Variants in DLG2 observed in about 807,000 individuals in gnomAD.
DLG2 encodes the protein disks large homolog 2.
Under a neutral mutation model 132.5 loss-of-function variants are expected in DLG2, and 45 were observed. That is an observed-to-expected ratio of 0.34 (90% CI 0.27 to 0.44). DLG2 has a LOEUF of 0.44. DLG2 is among the 20% of genes least tolerant of loss of function. The pLI, the probability that DLG2 is intolerant of heterozygous loss-of-function variation, is 1.00. For missense variants in DLG2, 1,045 were observed against 1,196.9 expected (o/e 0.87, Z 1.87); for synonymous variants, 424 against 419.6 (o/e 1.01, Z -0.13).
At position 83,930,336 on chromosome 11, in the gene DLG2, C is replaced by T. The variant is rs1216081408; in HGVS notation, c.1488G>A (p.Glu496=). 2 of 1,613,694 alleles carry T rather than the reference C, an allele frequency of 1.2e-6. No individual in the cohort carries two copies. Among genetic ancestry groups the T allele is most frequent in the East Asian group, 2.2e-5 (1 of 44,880 alleles). The part of the protein sequence containing the change: ...HYHLGLLPDS[E]MTSHSQHSTA... ...GGAAGCGCATGCAGTACCTGGTCAT[C>T]TCAGAGTCAGGTAGCAGGCCTAGGT... Residue 496 remains glutamate, a synonymous_variant, in exon 15 of 28, where the codon GAG becomes GAA. Transcript: ENST00000376104.
chr11:83,499,814 C>A (rs1565491042), intron 21 of DLG2, among the ~76,000 whole-genome samples: 2 of 114,162 alleles, frequency 1.8e-5, no homozygotes, highest in African/African-American at 3.1e-5. Flanking sequence ...ATATATATTT[C>A]CTCTAATAGG....
intron 6 of DLG2, among the ~76,000 whole-genome samples, chr11:84,542,870 A>G (rs2099379843): frequency 1.3e-5 from 2 of 152,168 alleles, no homozygotes; most frequent in South Asian, 4.1e-4. Flanking sequence ...CCACCTTCTT[A>G]TTTTGAGAAC....
chr11:84,870,838 C>A (rs1230879870), intron 6 of DLG2, among the ~76,000 whole-genome samples: 1 of 152,148 alleles, frequency 6.6e-6, no homozygotes, highest in African/African-American at 2.4e-5. Context: ...ATGCCCATGA[C>A]AGAAGAGATT....
intron 8 of DLG2, among the ~76,000 whole-genome samples, chr11:84,234,298 G>C (rs1239195457): frequency 6.6e-6 from 1 of 152,106 alleles, no homozygotes; most frequent in East Asian, 1.9e-4. Context: ...CCACTCTAAA[G>C]CTTTTTAATA....
At position 84,910,455 on chromosome 11, in the gene DLG2, CAAATT is replaced by C. The variant is rs1450446330; in HGVS notation, c.357+201201_357+201205del. Reference sequence around the variant, plus strand: ...CAGAATGATTTTTTTTACTTCAAATCAAATTAACTTTAATAAATAAAAATTTAATA... The same window carrying C: ...CAGAATGATTTTTTTTACTTCAAATCAACTTTAATAAATAAAAATTTAATA... On this transcript the variant is annotated intron_variant, in intron 6 of 27. Coordinates refer to ENST00000376104, the MANE Select transcript of DLG2 (RefSeq NM_001142699.3). Among the ~76,000 whole-genome samples, 4 of 152,026 alleles carry C rather than the reference CAAATT, an allele frequency of 2.6e-5. No individual in the cohort carries two copies. In the South Asian group the frequency reaches 8.3e-4, roughly 31 times the overall value.
At chr11:84,810,566 AG>A (rs2076446237) in intron 6 of DLG2, among the ~76,000 whole-genome samples, 1 of 152,180 alleles carries the variant, frequency 6.6e-6, no homozygotes, top group Non-Finnish European at 1.5e-5. Flanking sequence ...TCTTGAAAAC[AG>A]TGTGGAGGTT....
intron 6 of DLG2, among the ~76,000 whole-genome samples, chr11:84,804,612 C>A (rs188242717): frequency 3.7e-4 from 56 of 152,172 alleles, no homozygotes; most frequent in Admixed American, 3.7e-3. Flanking sequence ...TGAACAAGCC[C>A]AAAACTCAGA....
intron 18 of DLG2, among the ~76,000 whole-genome samples, chr11:83,650,782 C>G (rs1050640408): frequency 1.5e-4 from 23 of 152,200 alleles, no homozygotes; most frequent in African/African-American, 5.3e-4. Context: ...ATTTCTTTGC[C>G]TCAGATATCA....
intron 3 of DLG2, among the ~76,000 whole-genome samples, chr11:85,325,418 G>C (rs2152832937): frequency 1.4e-5 from 2 of 146,278 alleles, no homozygotes; most frequent in East Asian, 4.3e-4. Flanking sequence ...CACACAGCTG[G>C]AGATCTGAGA....
chr11:83,718,532 GAAAA>G lies in DLG2; in HGVS notation c.1825+68154_1825+68157del, dbSNP rs57237354. 1.7e-4 allele frequency among the ~76,000 whole-genome samples: 18 copies of G among 106,302 alleles called. No individual in the cohort carries two copies. The East Asian group carries it at 3.2e-3, about 19-fold the overall frequency. The allele number at this position is 106,302 out of a possible 152,430, so 69.7% of individuals were successfully genotyped here. A position where few individuals can be genotyped will look rare whatever the true frequency, so the allele number is the denominator to read the frequency against. ...AGAGTGAAACTCCATCTCAAAAAAA[GAAAA>G]AAAAAAAAAAAAAAAGAAAGAAAAA... On this transcript the variant is annotated intron_variant, in intron 18 of 27. Transcript: ENST00000376104.
In DLG2 at chr11:85,483,271, C is replaced by T. The variant is rs562050505; in HGVS notation, c.40+115386G>A. ...ATAAGGCTAGCAACAAATTTCTCAGCAGGGACGTTACAGGCCAAGAGAGAG... is the reference window on the plus strand; with the variant it reads ...ATAAGGCTAGCAACAAATTTCTCAGTAGGGACGTTACAGGCCAAGAGAGAG... On this transcript the variant is annotated intron_variant, in intron 3 of 27. Transcript: ENST00000376104. Among the ~76,000 whole-genome samples, 3 of 152,276 alleles carry T rather than the reference C, an allele frequency of 2.0e-5. No homozygotes were observed. In the South Asian group the frequency reaches 6.2e-4, roughly 32 times the overall value.
At chr11:85,377,017 G>GTAT (rs1199267485) in intron 3 of DLG2, among the ~76,000 whole-genome samples, 1 of 152,024 alleles carries the variant, frequency 6.6e-6, no homozygotes, top group South Asian at 2.1e-4. Flanking sequence ...CATGAAATAG[G>GTAT]TATTATTATT....
At chr11:84,703,690 A>G (rs1356109044) in intron 6 of DLG2, among the ~76,000 whole-genome samples, 1 of 151,182 alleles carries the variant, frequency 6.6e-6, no homozygotes, top group Non-Finnish European at 1.5e-5. Flanking sequence ...ATAACAATGA[A>G]CATAAGCAAA....
chr11:84,978,322 T>C (rs1355474052), intron 6 of DLG2, among the ~76,000 whole-genome samples: 5 of 152,164 alleles, frequency 3.3e-5, no homozygotes, highest in Non-Finnish European at 5.9e-5. Flanking sequence ...AAAGTTCATA[T>C]GGAACCAAAA....
chr11:84,961,135 G>C (rs4121472), intron 6 of DLG2, among the ~76,000 whole-genome samples: 62,917 of 149,710 alleles, frequency 0.42, 14,460 homozygotes, highest in East Asian at 0.67. Flanking sequence ...GATGAGTAAA[G>C]CCTTTATATA....
rs533549895 is a variant in DLG2 at position 83,992,994 on chromosome 11, G to A, written c.920-12352C>T. On this transcript the variant is annotated intron_variant, in intron 11 of 27. Transcript: ENST00000376104. Reference sequence around the variant, plus strand: ...AAAATGGCAAAGAGCTGTGTTGATTGTCTAGTGAGGGTTTGGAGACTGTAG... The same window carrying A: ...AAAATGGCAAAGAGCTGTGTTGATTATCTAGTGAGGGTTTGGAGACTGTAG... Among the ~76,000 whole-genome samples the A allele has an allele frequency of 5.8e-4, 88 of 152,202 alleles. 1 individual carries two copies. The highest frequency in any genetic ancestry group is 4.7e-4 in the Non-Finnish European group (32 of 67,970).
intron 21 of DLG2, among the ~76,000 whole-genome samples, chr11:83,520,702 GATAGA>G (rs1565617281): frequency 6.0e-5 from 5 of 82,646 alleles, no homozygotes; most frequent in African/African-American, 2.5e-4. Flanking sequence ...TAGGTAGATA[GATAGA>G]TAGATAGATA....
intron 7 of DLG2, among the ~76,000 whole-genome samples, chr11:84,484,275 T>C (rs2099145437): frequency 6.6e-6 from 1 of 152,220 alleles, no homozygotes; most frequent in Non-Finnish European, 1.5e-5. Flanking sequence ...AGATCCTTCA[T>C]TATTCCTTTC....
chr11:85,529,972 G>A (rs1378505456), intron 3 of DLG2, among the ~76,000 whole-genome samples: 1 of 148,428 alleles, frequency 6.7e-6, no homozygotes, highest in Non-Finnish European at 1.5e-5. Context: ...GGGTAGATCT[G>A]CCTAGAGAGG....
Sources: gnomAD v4.1 joint callset for allele counts (sites outside exome capture counted in the v4.1 genomes callset) on GRCh38, gnomAD v4.1.1 for gene constraint, MANE v1.5 for transcripts, NCBI Gene and HGNC (gene_info 2026-07-23, HGNC 2026-07-21) for gene names.